TBL1XR1: variants seen among roughly 807,000 people sequenced by gnomAD.
The protein encoded by TBL1XR1 is F-box-like/WD repeat-containing protein TBL1XR1.
TBL1XR1 carries 5 observed loss-of-function variants against 66.9 expected under a neutral mutation model. That is an observed-to-expected ratio of 0.07 (90% CI 0.04 to 0.16). The LOEUF is 0.16. TBL1XR1 is among the 10% of genes least tolerant of loss of function. The pLI is 1.00. For missense variants in TBL1XR1, 238 were observed against 623.2 expected (o/e 0.38, Z 6.58); for synonymous variants, 210 against 206.0 (o/e 1.02, Z -0.17).
chr3:177,045,653 A>T (rs1318230302), intron 10 of TBL1XR1, among the ~76,000 whole-genome samples: 1 of 152,148 alleles, frequency 6.6e-6, no homozygotes, highest in Non-Finnish European at 1.5e-5. Context: ...AAAATGAGAA[A>T]ATGACAACAA....
chr3:177,085,359 C>T (rs945449532), intron 2 of TBL1XR1, among the ~76,000 whole-genome samples: 10 of 152,180 alleles, frequency 6.6e-5, no homozygotes, highest in Admixed American at 5.9e-4. Context: ...GAACCACTGC[C>T]CATGGGTGCC....
At chr3:177,061,051 G>A (rs1718457373) in intron 3 of TBL1XR1, among the ~76,000 whole-genome samples, 1 of 152,188 alleles carries the variant, frequency 6.6e-6, no homozygotes, top group African/African-American at 2.4e-5. Context: ...TGCGTAGGGT[G>A]AACTTTCTAG....
intron 2 of TBL1XR1, among the ~76,000 whole-genome samples, chr3:177,085,086 C>T (rs1367067669): frequency 1.3e-5 from 2 of 152,132 alleles, no homozygotes; most frequent in East Asian, 1.9e-4. Context: ...TCAGAAAAAA[C>T]GAGGCCTCCA....
chr3:177,019,985 T>TTAAA lies in TBL1XR1; in HGVS notation c.*5512_*5513insTTTA, dbSNP rs527322560. 7.1e-6 allele frequency: 1 copy of TTAAA among 141,322 alleles called. No homozygotes were observed. Among genetic ancestry groups the TTAAA allele is most frequent in the African/African-American group, 2.6e-5 (1 of 38,448 alleles). 8.8% of individuals were successfully genotyped at this position (141,322 alleles called of 1,614,324 possible). A position where few individuals can be genotyped will look rare whatever the true frequency, so the allele number is the denominator to read the frequency against. Reference sequence around the variant, plus strand: ...AGAAGACCTAGAGAGTGTAAATTCTTAAAAAAAAAAAAAAGAAAATATGCT... The same window carrying TTAAA: ...AGAAGACCTAGAGAGTGTAAATTCTTTAAAAAAAAAAAAAAAAAGAAAATATGCT... On this transcript the variant is annotated 3_prime_UTR_variant, in exon 16 of 16. Transcript: ENST00000457928.
At chr3:177,084,635 C>G (rs1160384652) in intron 2 of TBL1XR1, among the ~76,000 whole-genome samples, 1 of 152,240 alleles carries the variant, frequency 6.6e-6, no homozygotes, top group Non-Finnish European at 1.5e-5. Flanking sequence ...ACATTTGGTA[C>G]TCCACCTCTA....
intron 1 of TBL1XR1, among the ~76,000 whole-genome samples, chr3:177,100,000 G>A (rs569455386): frequency 2.0e-5 from 3 of 152,302 alleles, no homozygotes; most frequent in South Asian, 2.1e-4. Flanking sequence ...CCAGCACTTC[G>A]GGAAGCCGAG....
chr3:177,120,818 A>G (rs914999506), intron 1 of TBL1XR1: 1 of 152,260 alleles, frequency 6.6e-6, no homozygotes, highest in African/African-American at 2.4e-5. Context: ...ACAGTATTTT[A>G]ATCACTATCA....
chr3:177,112,355 A>C (rs1725757356), intron 1 of TBL1XR1, among the ~76,000 whole-genome samples: 1 of 151,416 alleles, frequency 6.6e-6, no homozygotes, highest in Admixed American at 6.6e-5. Context: ...TGATCCACCC[A>C]CCTCAGCCTC....
chr3:177,051,015 T>C (rs1717003504), intron 5 of TBL1XR1, among the ~76,000 whole-genome samples: 1 of 152,180 alleles, frequency 6.6e-6, no homozygotes, highest in African/African-American at 2.4e-5. Flanking sequence ...CTATGGTTAT[T>C]TGTTGATAAC....
intron 2 of TBL1XR1, among the ~76,000 whole-genome samples, chr3:177,077,849 T>C (rs534103693): frequency 4.6e-5 from 7 of 152,386 alleles, no homozygotes; most frequent in South Asian, 2.1e-4. Flanking sequence ...ATTGCTCTTC[T>C]CAAAACTGGA....
At chr3:177,078,211 T>A (rs541710771) in intron 2 of TBL1XR1, among the ~76,000 whole-genome samples, 2 of 152,348 alleles carry the variant, frequency 1.3e-5, no homozygotes, top group South Asian at 4.1e-4. Context: ...ATCAGCAGCC[T>A]GTATCTTATA....
chr3:177,158,897 A>T (rs1385188052), intron 1 of TBL1XR1, among the ~76,000 whole-genome samples: 2 of 152,158 alleles, frequency 1.3e-5, no homozygotes, highest in African/African-American at 4.8e-5. Context: ...GAAGAGAAAC[A>T]TCCATCCTGC....
At chr3:177,104,976 T>C (rs1724692103) in intron 1 of TBL1XR1, among the ~76,000 whole-genome samples, 1 of 152,230 alleles carries the variant, frequency 6.6e-6, no homozygotes, top group Admixed American at 6.5e-5. Flanking sequence ...AAAGGTTGGT[T>C]TGAACAGTTT....
intron 2 of TBL1XR1, among the ~76,000 whole-genome samples, chr3:177,076,805 T>G (rs1720759337): frequency 6.6e-6 from 1 of 152,256 alleles, no homozygotes; most frequent in African/African-American, 2.4e-5. Context: ...AGAGGTTGAA[T>G]GTATTACTGG....
chr3:177,088,597 T>G (rs1722441534), intron 2 of TBL1XR1, among the ~76,000 whole-genome samples: 2 of 152,134 alleles, frequency 1.3e-5, no homozygotes, highest in African/African-American at 4.8e-5. Flanking sequence ...GATACTACAG[T>G]CTTTCACAGC....
chr3:177,158,760 A>C (rs1731821920), intron 1 of TBL1XR1, among the ~76,000 whole-genome samples: 1 of 152,154 alleles, frequency 6.6e-6, no homozygotes, highest in Admixed American at 6.5e-5. Flanking sequence ...GAGCACCTCT[A>C]GATTAAAGAA....
intron 7 of TBL1XR1, among the ~76,000 whole-genome samples, chr3:177,049,418 G>A (rs934866461): frequency 2.6e-5 from 4 of 152,172 alleles, no homozygotes; most frequent in Non-Finnish European, 5.9e-5. Context: ...GTAAGTCACA[G>A]TAGTCAAGTT....
intron 2 of TBL1XR1, among the ~76,000 whole-genome samples, chr3:177,069,786 A>AAGGGAAGGAAGGGAAGGAAG (rs1560138697): frequency 3.4e-4 from 27 of 79,314 alleles, no homozygotes; most frequent in African/African-American, 1.6e-3. Flanking sequence ...AGGAAGGAAA[A>AAGGGAAGGAAGGGAAGGAAG]GGAAGGAAAG....
chr3:177,179,854 T>C (rs1485968391), intron 1 of TBL1XR1, among the ~76,000 whole-genome samples: 1 of 151,896 alleles, frequency 6.6e-6, no homozygotes, highest in African/African-American at 2.4e-5. Context: ...GAAAGGCAAA[T>C]GAGGCTAGAT....
Sources: allele counts gnomAD v4.1 joint callset (sites outside exome capture counted in the v4.1 genomes callset), GRCh38; gene constraint gnomAD v4.1.1; transcripts MANE v1.5; gene names NCBI Gene and HGNC (gene_info 2026-07-23, HGNC 2026-07-21).